The following SAMHD1 variants were observed in gnomAD, a reference collection of about 807,000 sequenced individuals.
The protein encoded by SAMHD1 is SAM and HD domain containing deoxynucleoside triphosphate triphosphohydrolase 1.
In SAMHD1, 54 loss-of-function variants were observed where a neutral mutation model predicts 79.6. The observed-to-expected ratio is 0.68, with a 90% CI of 0.55 to 0.85. The LOEUF (loss-of-function observed/expected upper bound fraction) is 0.85. Among genes scored for constraint, SAMHD1 ranks in the 40% least tolerant of loss-of-function variants. The pLI is 0.00. For synonymous variants in SAMHD1, 260 were observed against 264.1 expected (o/e 0.98, Z 0.15); for missense variants, 663 against 782.7 (o/e 0.85, Z 1.82).
chr20:36,895,734 A>C (rs1340325383), intron 15 of SAMHD1, among the ~76,000 whole-genome samples: 1 of 152,004 alleles, frequency 6.6e-6, no homozygotes, highest in Non-Finnish European at 1.5e-5. Context: ...CTGCAGCTAG[A>C]GTTTTCAGTG....
Position 36,907,779 on chromosome 20 carries a change from T to A in SAMHD1, c.1271-2276A>T, listed in dbSNP as rs1201743313. The stretch of plus-strand genomic sequence containing the variant: ...GCGTAAGCCACCATGCCTGGCTGAC[T>A]TTTTAAAATATGGCATCACTTGCAT... On this transcript the variant is annotated intron_variant, in intron 11 of 15. Transcript: ENST00000646673. Among the ~76,000 whole-genome samples the A allele has an allele frequency of 2.6e-5, 4 of 152,132 alleles. 1 individual carries two copies. The highest frequency in any genetic ancestry group is 9.7e-5 in the African/African-American group (4 of 41,418).
In SAMHD1 at chr20:36,898,559, T is replaced by C; in HGVS notation, c.1504-15A>G. 6.3e-7 allele frequency: 1 copy of C among 1,583,718 alleles called. No individual in the cohort carries two copies. Among genetic ancestry groups the C allele is most frequent in the Non-Finnish European group, 8.7e-7 (1 of 1,152,752 alleles). On this transcript the variant is annotated splice_polypyrimidine_tract_variant and intron_variant, in intron 13 of 15. Coordinates refer to ENST00000646673, the MANE Select transcript of SAMHD1 (RefSeq NM_015474.4). Reference sequence around the variant, plus strand: ...ATGTTGATAACCTAAATAAAAGCAATTCACAAGTAATCATATAGCAAGCAG... The same window carrying C: ...ATGTTGATAACCTAAATAAAAGCAACTCACAAGTAATCATATAGCAAGCAG...
intron 15 of SAMHD1, chr20:36,893,715 T>C (rs974160920): frequency 5.6e-5 from 22 of 393,892 alleles, no homozygotes; most frequent in Non-Finnish European, 8.5e-5. Flanking sequence ...GGTTACAAGA[T>C]GATGCACGAT....
intron 9 of SAMHD1, among the ~76,000 whole-genome samples, chr20:36,915,549 C>T (rs1420507547): frequency 2.6e-5 from 4 of 151,710 alleles, no homozygotes; most frequent in Non-Finnish European, 5.9e-5. Flanking sequence ...CCAGCCTGGC[C>T]AACATGGTGA....
In SAMHD1 at chr20:36,951,463, C is replaced by T. The variant is rs747918559; in HGVS notation, c.181G>A (p.Glu61Lys). 3.7e-6 allele frequency: 6 copies of T among 1,614,138 alleles called. No individual in the cohort carries two copies. The highest frequency in any genetic ancestry group is 5.1e-6 in the Non-Finnish European group (6 of 1,180,000). ...CGGATGTTCTTCAGCAGCACCGGCTCTTCAAAGCCACCGCGCCTGAGGAAG... is the reference window on the plus strand; with the variant it reads ...CGGATGTTCTTCAGCAGCACCGGCTTTTCAAAGCCACCGCGCCTGAGGAAG... ...CSFLRRGGFE[E>K]PVLLKNIREN... The change falls in exon 1 of 16, where the codon GAG becomes AAG. Residue 61 changes from glutamate (E) to lysine (K), a missense_variant. Physicochemically the swap from Glu to Lys is moderately conservative, Grantham distance 56. Coordinates refer to ENST00000646673, the MANE Select transcript of SAMHD1 (RefSeq NM_015474.4).
At chr20:36,917,445 A>G (rs2063482643) in intron 7 of SAMHD1, among the ~76,000 whole-genome samples, 1 of 152,136 alleles carries the variant, frequency 6.6e-6, no homozygotes, top group Admixed American at 6.5e-5. Flanking sequence ...CGAGGTCTGG[A>G]GTTTGAAACC....
At chr20:36,898,910 C>CAAAAA (rs57902699) in intron 13 of SAMHD1, among the ~76,000 whole-genome samples, 26 of 69,250 alleles carry the variant, frequency 3.8e-4, no homozygotes, top group East Asian at 6.3e-4. Flanking sequence ...GACTCTGACT[C>CAAAAA]AAAAAAAAAA....
chr20:36,948,770 G>A (rs1452550371), intron 1 of SAMHD1, among the ~76,000 whole-genome samples: 6 of 150,776 alleles, frequency 4.0e-5, no homozygotes, highest in African/African-American at 1.5e-4. Flanking sequence ...AGGAGGCTGA[G>A]GCAGGAGAAT....
At chr20:36,917,169 A>G in intron 7 of SAMHD1, 120 bp from the exon 8 acceptor site, 1 of 703,712 alleles carries the variant, frequency 1.4e-6, no homozygotes. Context: ...GGAATATGAG[A>G]TAAACTAGAA....
chr20:36,907,322 G>A (rs1310368071), intron 11 of SAMHD1, among the ~76,000 whole-genome samples: 5 of 151,176 alleles, frequency 3.3e-5, no homozygotes, highest in Admixed American at 2.0e-4. Flanking sequence ...GAAGTGGCAC[G>A]TGATCATGGC....
chr20:36,933,374 A>C (rs1038388175), intron 4 of SAMHD1, among the ~76,000 whole-genome samples: 1 of 152,218 alleles, frequency 6.6e-6, no homozygotes, highest in Non-Finnish European at 1.5e-5. Flanking sequence ...ATTTCCTGAC[A>C]GGTAAGAAAA....
At chr20:36,905,083 C>T in intron 12 of SAMHD1, 4 of 403,938 alleles carry the variant, frequency 9.9e-6, no homozygotes, top group South Asian at 2.7e-5. Flanking sequence ...AATTGGAGAC[C>T]CACTCTCACT....
intron 6 of SAMHD1, among the ~76,000 whole-genome samples, chr20:36,925,560 T>C (rs552624568): frequency 2.7e-4 from 41 of 152,290 alleles, no homozygotes; most frequent in African/African-American, 9.9e-4. Context: ...AAAAAATGAA[T>C]TGGCCAAGCC....
chr20:36,934,396 C>T (rs904525246), intron 4 of SAMHD1, among the ~76,000 whole-genome samples: 4 of 150,650 alleles, frequency 2.7e-5, no homozygotes, highest in Admixed American at 1.3e-4. Flanking sequence ...TGGTGGTGGG[C>T]GCCTGTAATC....
chr20:36,942,310 C>T (rs1188005332), intron 2 of SAMHD1, among the ~76,000 whole-genome samples: 1 of 151,986 alleles, frequency 6.6e-6, no homozygotes, highest in Non-Finnish European at 1.5e-5. Flanking sequence ...CCCAGCTACT[C>T]GGGAGGCTGA....
At chr20:36,893,998 T>C in intron 15 of SAMHD1, 1 of 398,550 alleles carries the variant, frequency 2.5e-6, no homozygotes, top group Non-Finnish European at 4.4e-6. Flanking sequence ...CGAGCGGCAG[T>C]GGCAGTGACT....
intron 11 of SAMHD1, among the ~76,000 whole-genome samples, chr20:36,908,290 T>G (rs1019577507): frequency 6.6e-6 from 1 of 152,146 alleles, no homozygotes; most frequent in Non-Finnish European, 1.5e-5. Flanking sequence ...TTACCCAGGC[T>G]GGACTTCAGT....
intron 6 of SAMHD1, among the ~76,000 whole-genome samples, chr20:36,925,155 CAA>C (rs1216292694): frequency 2.4e-4 from 16 of 66,148 alleles, no homozygotes; most frequent in Admixed American, 3.7e-4. Context: ...GACTCCATCT[CAA>C]AAAAAAAAAA....
intron 7 of SAMHD1, 65 bp downstream of exon 7, chr20:36,919,295 CAGAA>C: frequency 6.8e-7 from 1 of 1,467,086 alleles, no homozygotes; most frequent in Non-Finnish European, 9.5e-7. Context: ...ATGTATAACT[CAGAA>C]GGAATCATGA....
Sources: gnomAD v4.1 joint callset for allele counts (sites outside exome capture counted in the v4.1 genomes callset) on GRCh38, gnomAD v4.1.1 for gene constraint, MANE v1.5 for transcripts, NCBI Gene and HGNC (gene_info 2026-07-23, HGNC 2026-07-21) for gene names.